Variants in PDE1C observed in about 807,000 individuals in gnomAD.
The protein encoded by PDE1C is dual specificity calcium/calmodulin-dependent 3',5'-cyclic nucleotide phosphodiesterase 1C.
PDE1C carries 62 observed loss-of-function variants against 93.1 expected under a neutral mutation model. The ratio of observed to expected loss-of-function variants is 0.67; its 90% CI spans 0.54 to 0.82. The LOEUF is 0.82. Among genes scored for constraint, PDE1C ranks in the 40% least tolerant of loss-of-function variants. The pLI is 0.00. For missense variants in PDE1C, 742 were observed against 884.6 expected, an observed-to-expected ratio of 0.84 and a Z score of 2.04; for synonymous variants, 325 against 310.1, an observed-to-expected ratio of 1.05 and a Z score of -0.50.
intron 11 of PDE1C, among the ~76,000 whole-genome samples, chr7:31,829,882 G>A (rs1790160100): frequency 6.6e-6 from 1 of 152,078 alleles, no homozygotes; most frequent in Non-Finnish European, 1.5e-5. Context: ...GGTTTGGTGG[G>A]ATAGTTCAGC....
intron 1 of PDE1C, among the ~76,000 whole-genome samples, chr7:32,319,753 G>A (rs1783248740): frequency 6.6e-6 from 1 of 152,154 alleles, no homozygotes; most frequent in Admixed American, 6.5e-5. Context: ...CTTCCCAACA[G>A]CGACCGCTCT....
chr7:31,928,620 G>T (rs1040504672), intron 2 of PDE1C, among the ~76,000 whole-genome samples: 1 of 152,126 alleles, frequency 6.6e-6, no homozygotes, highest in East Asian at 1.9e-4. Context: ...GAGAGTGGGG[G>T]CCAATATTCA....
At chr7:31,929,847 T>A (rs1358343831) in intron 2 of PDE1C, among the ~76,000 whole-genome samples, 1 of 151,974 alleles carries the variant, frequency 6.6e-6, no homozygotes, top group African/African-American at 2.4e-5. Flanking sequence ...AGATTTAATA[T>A]CACAATTAAA....
intron 2 of PDE1C, among the ~76,000 whole-genome samples, chr7:31,988,261 G>A (rs1026581207): frequency 1.3e-5 from 2 of 152,192 alleles, no homozygotes; most frequent in African/African-American, 4.8e-5. Context: ...CTGCCCAGAC[G>A]CCTACAGTAA....
chr7:32,357,480 C>G (rs1192139407), intron 1 of PDE1C, among the ~76,000 whole-genome samples: 2 of 152,250 alleles, frequency 1.3e-5, no homozygotes, highest in African/African-American at 4.8e-5. Context: ...GCTCTGAGCA[C>G]TAGTTTCAGA....
the PDE1C span, among the ~76,000 whole-genome samples, chr7:31,739,043 C>T: frequency 6.9e-6 from 1 of 144,436 alleles, no homozygotes; most frequent in Non-Finnish European, 1.5e-5. Flanking sequence ...CCTCATCCTA[C>T]ACCCCTATAA....
intron 1 of PDE1C, among the ~76,000 whole-genome samples, chr7:32,343,649 G>A (rs868109831): frequency 5.3e-5 from 8 of 152,158 alleles, no homozygotes; most frequent in South Asian, 4.1e-4. Flanking sequence ...CAGGTGAGTT[G>A]CTTTTAAAAT....
chr7:31,907,880 C>A (rs1388084014), intron 2 of PDE1C, among the ~76,000 whole-genome samples: 1 of 150,708 alleles, frequency 6.6e-6, no homozygotes, highest in Non-Finnish European at 1.5e-5. Flanking sequence ...ATTACTCATT[C>A]AAGTCAAGAA....
At chr7:32,207,914 C>T (rs901199331) in intron 2 of PDE1C, among the ~76,000 whole-genome samples, 2 of 152,230 alleles carry the variant, frequency 1.3e-5, no homozygotes, top group African/African-American at 4.8e-5. Context: ...CAGCACAGCC[C>T]TCACAGCGTG....
intron 1 of PDE1C, among the ~76,000 whole-genome samples, chr7:32,310,888 G>T (rs1316257932): frequency 2.6e-5 from 4 of 152,012 alleles, no homozygotes; most frequent in Non-Finnish European, 5.9e-5. Context: ...CAGAAGGCAA[G>T]AAATAACTAA....
chr7:31,797,212 C>G (rs1785412174), intron 16 of PDE1C, among the ~76,000 whole-genome samples: 1 of 151,668 alleles, frequency 6.6e-6, no homozygotes, highest in Non-Finnish European at 1.5e-5. Context: ...TTAATTGGAA[C>G]CCAAAGCACT....
At chr7:32,067,985 C>T (rs948002434) in intron 1 of PDE1C, among the ~76,000 whole-genome samples, 12 of 152,136 alleles carry the variant, frequency 7.9e-5, no homozygotes, top group South Asian at 4.1e-4. Context: ...TAAATACGGG[C>T]GATACCAACA....
intron 1 of PDE1C, among the ~76,000 whole-genome samples, chr7:32,316,654 A>G (rs1783178967): frequency 6.6e-6 from 1 of 152,224 alleles, no homozygotes; most frequent in South Asian, 2.1e-4. Flanking sequence ...TCTCAGAATT[A>G]CAAGCAAGTT....
intron 2 of PDE1C, among the ~76,000 whole-genome samples, chr7:32,042,468 T>G (rs1257280315): frequency 6.6e-6 from 1 of 152,188 alleles, no homozygotes; most frequent in Non-Finnish European, 1.5e-5. Context: ...CATGACTTCC[T>G]TTTCTGTAAA....
intron 1 of PDE1C, among the ~76,000 whole-genome samples, chr7:32,308,382 T>C (rs925775165): frequency 3.9e-5 from 6 of 152,124 alleles, no homozygotes; most frequent in African/African-American, 1.4e-4. Context: ...TTGAAGAGAG[T>C]AGTGGTTCTC....
intron 2 of PDE1C, among the ~76,000 whole-genome samples, chr7:31,898,620 G>A (rs1055631173): frequency 3.3e-5 from 5 of 151,764 alleles, no homozygotes; most frequent in African/African-American, 7.3e-5. Flanking sequence ...TTGTTATTTT[G>A]GCTTTTATTT....
intron 1 of PDE1C, among the ~76,000 whole-genome samples, chr7:32,269,180 A>T (rs1368707181): frequency 6.6e-6 from 1 of 152,230 alleles, no homozygotes; most frequent in East Asian, 1.9e-4. Flanking sequence ...AGACTGCCTT[A>T]AACCAGTGCT....
chr7:31,751,058 T>C (rs1474369784), downstream of PDE1C: 5 of 152,102 alleles, frequency 3.3e-5, no homozygotes, highest in African/African-American at 9.7e-5. Flanking sequence ...AGGAAGAAAA[T>C]TGAAATGGGT....
chr7:32,118,579 T>G (rs1799118060), intron 3 of PDE1C, among the ~76,000 whole-genome samples: 1 of 152,212 alleles, frequency 6.6e-6, no homozygotes, highest in Non-Finnish European at 1.5e-5. Context: ...TTTGGTTCAC[T>G]GTTCTAGTGG....
Sources: allele counts gnomAD v4.1 joint callset (sites outside exome capture counted in the v4.1 genomes callset), GRCh38; gene constraint gnomAD v4.1.1; transcripts MANE v1.5; gene names NCBI Gene and HGNC (gene_info 2026-07-23, HGNC 2026-07-21).